The following FAM167A variants were observed in gnomAD, a reference collection of about 807,000 sequenced individuals.
FAM167A encodes the protein protein FAM167A.
In FAM167A, 23 loss-of-function variants were observed where a neutral mutation model predicts 14.9. The observed-to-expected ratio is 1.55, with a 90% CI of 1.11 to 2.19. FAM167A has a LOEUF of 2.19. FAM167A is among the 30% of genes most tolerant of loss of function. FAM167A has a pLI of 0.00. For synonymous variants in FAM167A, 174 were observed against 117.7 expected (o/e 1.48, Z -3.10); for missense variants, 401 against 281.5 (o/e 1.42, Z -3.04).
intron 1 of FAM167A, among the ~76,000 whole-genome samples, chr8:11,456,169 T>C (rs1807278989): frequency 1.5e-3 from 10 of 6,676 alleles, no homozygotes; most frequent in South Asian, 4.6e-3. Context: ...GGTGGTTGCC[T>C]TGCTGTGTGT....
chr8:11,428,839 T>G (rs1264434696), intron 2 of FAM167A, among the ~76,000 whole-genome samples: 1 of 152,168 alleles, frequency 6.6e-6, no homozygotes, highest in Non-Finnish European at 1.5e-5. Context: ...GAGCCCCGAT[T>G]AGGAGGTCAC....
rs760508594 is a variant in FAM167A at position 11,424,516 on chromosome 8, T to G, written c.502A>C (p.Thr168Pro). 1.2e-6 allele frequency: 2 copies of G among 1,614,020 alleles called. No individual in the cohort carries two copies. The highest frequency in any genetic ancestry group is 8.5e-7 in the Non-Finnish European group (1 of 1,180,010). The change falls in exon 3 of 3, where the codon ACC (threonine) becomes CCC (proline). Residue 168 changes from threonine to proline, a missense_variant. Physicochemically the swap from Thr to Pro is conservative, Grantham distance 38 (BLOSUM62 -1). Transcript: ENST00000284486. The part of the protein sequence containing the change: ...RLHRRMLNDA[T>P]YELEERDELA... ...TCATCCCGCTCCTCCAGCTCGTAGG[T>G]GGCATCGTTGAGCATCCTCCTGTGG...
chr8:11,429,583 A>G (rs1057061770), intron 2 of FAM167A, among the ~76,000 whole-genome samples: 3 of 152,218 alleles, frequency 2.0e-5, no homozygotes, highest in African/African-American at 7.2e-5. Context: ...TCTGTCTTAC[A>G]AGGAAACTGT....
chr8:11,437,497 G>A (rs138714436), intron 2 of FAM167A, among the ~76,000 whole-genome samples: 14 of 152,210 alleles, frequency 9.2e-5, no homozygotes, highest in African/African-American at 3.4e-4. Context: ...TTACCTAAAG[G>A]CACACAACTA....
chr8:11,436,670 G>A (rs997046739), intron 2 of FAM167A, among the ~76,000 whole-genome samples: 2 of 152,238 alleles, frequency 1.3e-5, no homozygotes, highest in African/African-American at 4.8e-5. Flanking sequence ...TTTAGCCAAG[G>A]TGATAACTGT....
rs1258769350 is a variant in FAM167A, at chr8:11,444,822, G to A, written c.-397-14C>T. 17 of 1,001,280 alleles carry A rather than the reference G, an allele frequency of 1.7e-5. No individual in the cohort carries two copies. Among genetic ancestry groups the A allele is most frequent in the Non-Finnish European group, 1.9e-5 (16 of 840,024 alleles). 62.0% of individuals were successfully genotyped at this position (1,001,280 alleles called of 1,614,324 possible). A position where few individuals can be genotyped will look rare whatever the true frequency, so the allele number is the denominator to read the frequency against. On this transcript the variant is annotated splice_polypyrimidine_tract_variant and intron_variant, in intron 1 of 2. Coordinates refer to ENST00000284486, the MANE Select transcript of FAM167A (RefSeq NM_053279.3). ...TGGCTGGAGACCCTGTGGGAGGGAT[G>A]AGAACCGCATCAGTCCCGATCCCTG...
At chr8:11,457,027 GGT>G (rs1168285848) in intron 1 of FAM167A, among the ~76,000 whole-genome samples, 84 of 122,196 alleles carry the variant, frequency 6.9e-4, no homozygotes, top group African/African-American at 2.4e-3. Flanking sequence ...CTGGGTTAGG[GGT>G]ATGGGCGGGG....
chr8:11,458,969 C>G (rs114103418), intron 1 of FAM167A, among the ~76,000 whole-genome samples: 495 of 152,356 alleles, frequency 3.2e-3, no homozygotes, highest in African/African-American at 0.012. Flanking sequence ...AATTCGCCCC[C>G]AGTTCTTCCC....
intron 2 of FAM167A, among the ~76,000 whole-genome samples, chr8:11,431,002 G>C (rs1370172416): frequency 6.6e-6 from 1 of 152,186 alleles, no homozygotes; most frequent in Non-Finnish European, 1.5e-5. Context: ...AAACAGCATG[G>C]CGGGTCCCGG....
rs548269810 is a variant in FAM167A at position 11,461,139 on chromosome 8, G to A, written c.-398+5487C>T. On this transcript the variant is annotated intron_variant, in intron 1 of 2. Transcript: ENST00000284486. Reference sequence around the variant, plus strand: ...CTAATTTATGGGCTCCCTGCAAGGCGGGGAGAAAGCCCAGGGCCACTGCAG... The same window carrying A: ...CTAATTTATGGGCTCCCTGCAAGGCAGGGAGAAAGCCCAGGGCCACTGCAG... Among the ~76,000 whole-genome samples, 25 of 152,350 alleles carry A rather than the reference G, an allele frequency of 1.6e-4. No homozygotes were observed. In the East Asian group the frequency reaches 2.1e-3, roughly 13 times the overall value.
chr8:11,474,352 G>A (rs1480520537), intron 1 of FAM167A, among the ~76,000 whole-genome samples: 1 of 152,206 alleles, frequency 6.6e-6, no homozygotes, highest in Non-Finnish European at 1.5e-5. Context: ...GCATGAGGTA[G>A]CCCTGTTTGG....
intron 1 of FAM167A, among the ~76,000 whole-genome samples, chr8:11,447,588 C>A (rs969583715): frequency 6.6e-6 from 1 of 152,198 alleles, no homozygotes; most frequent in Admixed American, 6.5e-5. Flanking sequence ...CAGAGGCAGG[C>A]GGGATCACCC....
In FAM167A at chr8:11,429,590, CTG is replaced by C. The variant is rs557471953; in HGVS notation, c.382-4956_382-4955del. The stretch of plus-strand genomic sequence containing the variant: ...GATTTTAGTCTGTCTTACAAGGAAA[CTG>C]TCTCAGAGAAGTAAAGGAACGGCTC... On this transcript the variant is annotated intron_variant, in intron 2 of 2. Transcript: ENST00000284486. 2.9e-3 allele frequency among the ~76,000 whole-genome samples: 435 copies of C among 152,370 alleles called. 3 individuals carry two copies. The highest frequency in any genetic ancestry group is 6.8e-3 in the Middle Eastern group (2 of 294).
chr8:11,433,851 T>A (rs1220658301), intron 2 of FAM167A: 1 of 152,208 alleles, frequency 6.6e-6, no homozygotes, highest in Non-Finnish European at 1.5e-5. Flanking sequence ...GGAATGAGAC[T>A]CACAGTTCTT....
chr8:11,459,380 G>A (rs1244551076), intron 1 of FAM167A, among the ~76,000 whole-genome samples: 1 of 152,242 alleles, frequency 6.6e-6, no homozygotes, highest in Admixed American at 6.5e-5. Context: ...AGGCATGTGA[G>A]CTTTATAGTA....
chr8:11,434,536 C>T (rs1270378962), intron 2 of FAM167A, among the ~76,000 whole-genome samples: 1 of 152,166 alleles, frequency 6.6e-6, no homozygotes, highest in African/African-American at 2.4e-5. Context: ...AGGCATAGAG[C>T]AGGAGGCTCT....
intron 1 of FAM167A, among the ~76,000 whole-genome samples, chr8:11,456,010 T>TG (rs1323092669): frequency 1.3e-5 from 1 of 77,844 alleles, no homozygotes. Flanking sequence ...AGTGGGAGTG[T>TG]AGGGTGGTTG....
intron 1 of FAM167A, among the ~76,000 whole-genome samples, chr8:11,454,240 C>T (rs1011474336): frequency 1.3e-5 from 2 of 152,186 alleles, no homozygotes; most frequent in African/African-American, 4.8e-5. Flanking sequence ...CGGAGGCCCA[C>T]GTGTGTGTGC....
At chr8:11,452,949 G>C (rs1158706386) in intron 1 of FAM167A, among the ~76,000 whole-genome samples, 1 of 152,164 alleles carries the variant, frequency 6.6e-6, no homozygotes, top group African/African-American at 2.4e-5. Flanking sequence ...CTGGTTCCCA[G>C]AACACAGATC....
Sources: gnomAD v4.1 joint callset for allele counts (sites outside exome capture counted in the v4.1 genomes callset) on GRCh38, gnomAD v4.1.1 for gene constraint, MANE v1.5 for transcripts, NCBI Gene and HGNC (gene_info 2026-07-23, HGNC 2026-07-21) for gene names.